CDYL: variants seen among roughly 807,000 people sequenced by gnomAD.
CDYL encodes the protein chromodomain Y-like protein.
CDYL carries 8 observed loss-of-function variants against 47.3 expected under a neutral mutation model. The ratio of observed to expected loss-of-function variants is 0.17; its 90% confidence interval spans 0.10 to 0.31. The LOEUF (loss-of-function observed/expected upper bound fraction) is 0.31, where lower values mean the gene tolerates loss of function less well. Among genes scored for constraint, CDYL ranks in the 10% least tolerant of loss-of-function variants. The probability of loss-of-function intolerance (pLI) is 1.00; values close to 1 mark genes in which losing one functional copy is unlikely to be tolerated. For missense variants in CDYL, 471 were observed against 701.4 expected, an observed-to-expected ratio of 0.67 and a Z score of 3.71; for synonymous variants, 266 against 265.0, an observed-to-expected ratio of 1.00 and a Z score of -0.04.
chr6:4,907,523 A>C (rs1414698249), intron 2 of CDYL, among the ~76,000 whole-genome samples: 1 of 151,846 alleles, frequency 6.6e-6, no homozygotes, highest in Non-Finnish European at 1.5e-5. Context: ...CGCCTCACTA[A>C]TTTTTGTATT....
intron 1 of CDYL, among the ~76,000 whole-genome samples, chr6:4,782,399 C>A (rs527903698): frequency 4.5e-4 from 69 of 152,144 alleles, no homozygotes; most frequent in Non-Finnish European, 8.4e-4. Flanking sequence ...TTCCTGACTC[C>A]TTACTTACCT....
chr6:4,816,127 A>G (rs981129214), intron 1 of CDYL, among the ~76,000 whole-genome samples: 1 of 152,056 alleles, frequency 6.6e-6, no homozygotes, highest in Non-Finnish European at 1.5e-5. Context: ...GTTGGCATAC[A>G]CTAAATTTCT....
chr6:4,932,445 C>A (rs993505652), intron 2 of CDYL, among the ~76,000 whole-genome samples: 3 of 152,170 alleles, frequency 2.0e-5, no homozygotes, highest in African/African-American at 7.2e-5. Flanking sequence ...AAGGCCCCAC[C>A]TCCTCAGACC....
In CDYL at chr6:4,790,274, A is replaced by C. The variant is rs559508414; in HGVS notation, c.24+13467A>C. On this transcript the variant is annotated intron_variant, in intron 1 of 6. Coordinates refer to ENST00000397588, the MANE Select transcript of CDYL (RefSeq NM_004824.4). ...AGACAGCTTTTTACTTAACAAATGT[A>C]TAGTGAGCAGTTAACAATGGGACTT... is the stretch of plus-strand genomic sequence containing the variant. Among the ~76,000 whole-genome samples, 6 of 152,342 alleles carry C rather than the reference A, an allele frequency of 3.9e-5. No individual in the cohort carries two copies. In the East Asian group the frequency reaches 5.8e-4, roughly 15 times the overall value.
intron 2 of CDYL, among the ~76,000 whole-genome samples, chr6:4,917,976 C>G (rs1262550904): frequency 1.3e-5 from 2 of 152,142 alleles, no homozygotes; most frequent in African/African-American, 4.8e-5. Context: ...TTGCCTGTAG[C>G]TACTATTCAT....
chr6:4,868,838 C>CTGAAATACTTGAAATAG (rs1761394314), intron 1 of CDYL, among the ~76,000 whole-genome samples: 3 of 152,064 alleles, frequency 2.0e-5, no homozygotes, highest in Non-Finnish European at 4.4e-5. Context: ...TCTTGAAATA[C>CTGAAATACTTGAAATAG]TGAAATACTT....
intron 2 of CDYL, among the ~76,000 whole-genome samples, chr6:4,732,675 AG>A (rs558553437): frequency 3.8e-5 from 2 of 52,462 alleles, no homozygotes; most frequent in East Asian, 6.1e-4. Context: ...AAAAAAAAAG[AG>A]GGGGGGATTG....
At chr6:4,738,180 A>G (rs1012657113) in intron 3 of CDYL, among the ~76,000 whole-genome samples, 1 of 152,160 alleles carries the variant, frequency 6.6e-6, no homozygotes, top group Non-Finnish European at 1.5e-5. Context: ...GTTGGAGACC[A>G]GCCTGGCCAA....
At chr6:4,783,082 CATT>C (rs1232888460) in intron 1 of CDYL, among the ~76,000 whole-genome samples, 2 of 152,068 alleles carry the variant, frequency 1.3e-5, no homozygotes, top group African/African-American at 4.8e-5. Flanking sequence ...TCAAATAGAA[CATT>C]ATTATTTTAT....
chr6:4,820,595 T>C (rs893487130), intron 1 of CDYL, among the ~76,000 whole-genome samples: 4 of 152,150 alleles, frequency 2.6e-5, no homozygotes, highest in African/African-American at 7.2e-5. Flanking sequence ...CACAGCCCTC[T>C]CACTAGTGGA....
At chr6:4,734,646 T>G in intron 2 of CDYL, 1 of 1,334,266 alleles carries the variant, frequency 7.5e-7, no homozygotes, top group Non-Finnish European at 1.0e-6. Flanking sequence ...GACTCCTAAT[T>G]CAGGAAGGGG....
intron 2 of CDYL, 36 bp from the exon 3 acceptor site, chr6:4,935,479 A>G (rs1290856417): frequency 6.3e-7 from 1 of 1,586,246 alleles, no homozygotes; most frequent in South Asian, 1.1e-5. Flanking sequence ...TGGTGGTGGG[A>G]CATCACAGAC....
chr6:4,825,670 A>G (rs1036224024), intron 1 of CDYL, among the ~76,000 whole-genome samples: 22 of 152,156 alleles, frequency 1.4e-4, no homozygotes, highest in African/African-American at 4.6e-4. Context: ...CCACCCTTGT[A>G]TTCCTGGGAT....
At chr6:4,821,559 C>T (rs62386585) in intron 1 of CDYL, among the ~76,000 whole-genome samples, 12,854 of 151,906 alleles carry the variant, frequency 0.085, 657 homozygotes, top group South Asian at 0.13. Flanking sequence ...CATGGTGAAA[C>T]CCCGTCTCTA....
intron 2 of CDYL, among the ~76,000 whole-genome samples, chr6:4,895,091 GTA>G (rs1762183076): frequency 1.4e-5 from 2 of 145,020 alleles, no homozygotes; most frequent in South Asian, 4.4e-4. Flanking sequence ...GCACATATAT[GTA>G]CATGTGTGTA....
chr6:4,951,347 G>T (rs1462971124), intron 5 of CDYL, among the ~76,000 whole-genome samples: 1 of 151,984 alleles, frequency 6.6e-6, no homozygotes, highest in Non-Finnish European at 1.5e-5. Context: ...TATCAGACAT[G>T]TGTGCACCCC....
intron 3 of CDYL, among the ~76,000 whole-genome samples, chr6:4,743,708 A>C (rs1270860270): frequency 6.6e-6 from 1 of 152,230 alleles, no homozygotes; most frequent in African/African-American, 2.4e-5. Flanking sequence ...TATATCATCC[A>C]ACTCATGGGT....
rs768004472 is a variant in CDYL, at chr6:4,892,286, A to T, written c.598A>T (p.Met200Leu). Residue 200 changes from methionine (M) to leucine (L), a missense_variant, in exon 2 of 7, where the codon ATG (methionine) becomes TTG (leucine). By Grantham distance (15) the Met-to-Leu change is conservative. Around this residue, in one of 3 missense-constraint regions of CDYL, gnomAD observed 311 missense variants for 350.0 expected, o/e 0.89. Coordinates refer to ENST00000397588, the MANE Select transcript of CDYL (RefSeq NM_004824.4). ...GGGCCCCGGTGCCGAGAGGGCCAGGATGGGGAGCAGGCCCAGGATACACCC... is the reference window on the plus strand; with the variant it reads ...GGGCCCCGGTGCCGAGAGGGCCAGGTTGGGGAGCAGGCCCAGGATACACCC... ...LLGPGAERAR[M>L]GSRPRIHPLV... The T allele has an allele frequency of 6.2e-7, 1 of 1,614,018 alleles. No homozygotes were observed. The highest frequency in any genetic ancestry group is 1.3e-5 in the African/African-American group (1 of 74,930).
At chr6:4,857,510 C>G (rs771608269) in intron 1 of CDYL, among the ~76,000 whole-genome samples, 5 of 152,126 alleles carry the variant, frequency 3.3e-5, no homozygotes, top group Non-Finnish European at 7.3e-5. Flanking sequence ...GGTAACTCAC[C>G]CTTTAGCAAA....
Sources: gnomAD v4.1 joint callset for allele counts (sites outside exome capture counted in the v4.1 genomes callset) on GRCh38, gnomAD v4.1.1 for gene constraint, gnomAD v4.1.1 regional missense constraint, MANE v1.5 for transcripts, NCBI Gene and HGNC (gene_info 2026-07-23, HGNC 2026-07-21) for gene names.